The following UGT3A1 variants were observed in gnomAD, a reference collection of about 807,000 sequenced individuals.
The protein encoded by UGT3A1 is UDP-glycosyltransferase 3A1.
Under a neutral mutation model 37.6 loss-of-function variants are expected in UGT3A1, and 40 were observed. That is an observed-to-expected ratio of 1.06 (90% CI 0.83 to 1.38). UGT3A1 has a LOEUF of 1.38. UGT3A1 is among the 40% of genes most tolerant of loss of function. UGT3A1 has a pLI of 0.00. For synonymous variants in UGT3A1, 256 were observed against 232.3 expected (o/e 1.10, Z -0.93); for missense variants, 642 against 634.2 (o/e 1.01, Z -0.13).
At position 35,982,272 on chromosome 5, in the gene UGT3A1, T is replaced by C. The variant is rs117457902; in HGVS notation, c.196+6178A>G. Reference sequence around the variant, plus strand: ...GGAGCTGTCCTCCAGAAACCAGAATTGTAGAACCATCCTCCTGGAAAAGCT... The same window carrying C: ...GGAGCTGTCCTCCAGAAACCAGAATCGTAGAACCATCCTCCTGGAAAAGCT... On this transcript the variant is annotated intron_variant, in intron 2 of 6. Transcript: ENST00000274278. Among the ~76,000 whole-genome samples the C allele has an allele frequency of 2.4e-3, 368 of 152,190 alleles. 4 individuals carry two copies. In the East Asian group the frequency reaches 0.042, roughly 17 times the overall value.
intron 2 of UGT3A1, among the ~76,000 whole-genome samples, chr5:35,970,137 T>A (rs1490735275): frequency 6.6e-6 from 1 of 152,130 alleles, no homozygotes; most frequent in East Asian, 1.9e-4. Flanking sequence ...ACTCCTGTAA[T>A]CCCAGAACTT....
intron 1 of UGT3A1, among the ~76,000 whole-genome samples, chr5:35,997,735 A>T (rs575233698): frequency 6.6e-6 from 1 of 152,118 alleles, no homozygotes; most frequent in South Asian, 2.1e-4. Context: ...AGAGGATTTA[A>T]TTTTTACCCA....
chr5:35,967,378 G>T (rs1182413241), intron 3 of UGT3A1, among the ~76,000 whole-genome samples: 1 of 152,164 alleles, frequency 6.6e-6, no homozygotes. Context: ...GAATGGCATG[G>T]ATTTGTGTTT....
At chr5:35,997,431 AT>A (rs150097356) in intron 1 of UGT3A1, 61,518 of 148,730 alleles carry the variant, frequency 0.41, 12,915 homozygotes, top group South Asian at 0.55. Context: ...AGAGGATTTA[AT>A]TTTTTTTTTT....
At chr5:35,995,298 C>A (rs368781026), upstream of UGT3A1, among the ~76,000 whole-genome samples, 1 of 152,230 alleles carries the variant, frequency 6.6e-6, no homozygotes. Context: ...CCCTGACAGC[C>A]CCAATGGCAG....
intron 2 of UGT3A1, chr5:35,997,120 A>G (rs1357580448): frequency 1.3e-5 from 2 of 152,140 alleles, no homozygotes; most frequent in African/African-American, 4.8e-5. Context: ...ATTCCCTGTC[A>G]AGAAACCAAG....
chr5:35,951,012 T>C lies in UGT3A1; in HGVS notation c.*3190A>G, dbSNP rs574762395. The C allele has an allele frequency of 6.6e-6, 1 of 152,262 alleles. No homozygotes were observed. Among genetic ancestry groups the C allele is most frequent in the South Asian group, 2.1e-4 (1 of 4,820 alleles). The allele number at this position is 152,262 out of a possible 1,614,324, so 9.4% of individuals were successfully genotyped here. On this transcript the variant is annotated 3_prime_UTR_variant, in exon 7 of 7. Coordinates refer to ENST00000274278, the MANE Select transcript of UGT3A1 (RefSeq NM_152404.4). ...TACTCAATAGACTACAAGATTCGTT[T>C]GGAGTTCTTTTTTTTTTCTGTTGAT...
chr5:35,993,114 A>G (rs1740999891), upstream of UGT3A1, among the ~76,000 whole-genome samples: 1 of 152,184 alleles, frequency 6.6e-6, no homozygotes, highest in South Asian at 2.1e-4. Context: ...TTATGTAAAA[A>G]TGCAGATTCC....
chr5:35,958,291 A>G (rs1013768462), intron 4 of UGT3A1, among the ~76,000 whole-genome samples: 10 of 152,194 alleles, frequency 6.6e-5, no homozygotes, highest in African/African-American at 2.4e-4. Flanking sequence ...TTATGATCTA[A>G]TGCCCTAAAA....
intron 3 of UGT3A1, 117 bp downstream of exon 3, chr5:35,967,902 C>G (rs1739876373): frequency 1.3e-6 from 1 of 744,410 alleles, no homozygotes. Flanking sequence ...ATTTCTCCAT[C>G]TATCCATCAC....
chr5:35,988,765 G>C (rs1357059777), intron 1 of UGT3A1, among the ~76,000 whole-genome samples: 1 of 152,088 alleles, frequency 6.6e-6, no homozygotes, highest in Non-Finnish European at 1.5e-5. Context: ...TCCTATGTTC[G>C]GGACCTGTGG....
intron 4 of UGT3A1, chr5:35,961,830 C>T (rs1739598961): frequency 6.6e-6 from 1 of 152,232 alleles, no homozygotes; most frequent in Non-Finnish European, 1.5e-5. Flanking sequence ...GTTGTCCCTT[C>T]ACTGAATCAG....
rs559928059 is a variant in UGT3A1 at position 35,957,455 on chromosome 5, A to T, written c.844-36T>A. ...ATGACAAAAGAAAGGAGGTGGCAAAATTGAGAACGCCTAAGTGTCCATGAA... is the reference window on the plus strand; with the variant it reads ...ATGACAAAAGAAAGGAGGTGGCAAATTTGAGAACGCCTAAGTGTCCATGAA... On this transcript the variant is annotated intron_variant, in intron 4 of 6. Transcript: ENST00000274278. 125 of 1,563,248 alleles carry T rather than the reference A, an allele frequency of 8.0e-5. 1 individual carries two copies. In the African/African-American group the frequency reaches 1.6e-3, roughly 20 times the overall value.
intron 2 of UGT3A1, among the ~76,000 whole-genome samples, chr5:35,974,457 C>T (rs538761815): frequency 6.6e-6 from 1 of 152,248 alleles, no homozygotes; most frequent in East Asian, 1.9e-4. Flanking sequence ...AAAACCAAAG[C>T]AATATTGCAC....
chr5:35,961,453 A>G (rs1159537239), intron 4 of UGT3A1: 1 of 152,242 alleles, frequency 6.6e-6, no homozygotes, highest in East Asian at 1.9e-4. Flanking sequence ...CAAGAAAATA[A>G]TCTAGTGCCA....
upstream of UGT3A1, among the ~76,000 whole-genome samples, chr5:35,993,350 G>A (rs2111571711): frequency 6.6e-6 from 1 of 152,120 alleles, no homozygotes; most frequent in Middle Eastern, 3.4e-3. Context: ...TGTAATCCCA[G>A]CTACTCGAGA....
chr5:36,000,917 T>A (rs1741208681), intron 1 of UGT3A1: 1 of 152,224 alleles, frequency 6.6e-6, no homozygotes, highest in African/African-American at 2.4e-5. Context: ...AATGAACCTG[T>A]TTCTATAATG....
chr5:35,965,512 A>T lies in UGT3A1; in HGVS notation c.717T>A (p.His239Gln). ...FPEGSRPVLS[H>Q]LLLKAELWFV... ...ACCACAACTCTGCTTTCAGTAGAAG[A>T]TGAGACAAAACTGGCCTAGAGCCTT... is the stretch of plus-strand genomic sequence containing the variant. Residue 239 changes from histidine to glutamine, a missense_variant, in exon 4 of 7, where the codon CAT becomes CAA. By Grantham distance (24) the His-to-Gln change is conservative. Coordinates refer to ENST00000274278, the MANE Select transcript of UGT3A1 (RefSeq NM_152404.4). The T allele has an allele frequency of 1.9e-6, 3 of 1,614,258 alleles. No homozygotes were observed. Among genetic ancestry groups the T allele is most frequent in the South Asian group, 2.2e-5 (2 of 91,090 alleles).
rs950014294 is a variant in UGT3A1, at chr5:35,953,546, C to G, written c.*656G>C. The G allele has an allele frequency of 2.0e-5, 3 of 152,384 alleles. No homozygotes were observed. 9.4% of individuals were successfully genotyped at this position (152,384 alleles called of 1,614,324 possible). ...GCCTTACACATGGATTTCCACTTCA[C>G]TACTTGAGGTTCCCTGTACTCCATT... On this transcript the variant is annotated 3_prime_UTR_variant, in exon 7 of 7. Coordinates refer to ENST00000274278, the MANE Select transcript of UGT3A1 (RefSeq NM_152404.4).
Sources: gnomAD v4.1 joint callset for allele counts (sites outside exome capture counted in the v4.1 genomes callset) on GRCh38, gnomAD v4.1.1 for gene constraint, MANE v1.5 for transcripts, NCBI Gene and HGNC (gene_info 2026-07-23, HGNC 2026-07-21) for gene names.